NCOA6: variants seen among roughly 807,000 people sequenced by gnomAD.
The protein encoded by NCOA6 is NRC RAP250.
In NCOA6, 49 loss-of-function variants were observed where a neutral mutation model predicts 171.4. That is an observed-to-expected ratio of 0.29 (90% CI 0.23 to 0.36). NCOA6 has a LOEUF of 0.36. NCOA6 is among the 10% of genes least tolerant of loss of function. NCOA6 has a pLI of 1.00. For missense variants in NCOA6, 2,248 were observed against 2,554.5 expected, an observed-to-expected ratio of 0.88 and a Z score of 2.59; for synonymous variants, 910 against 927.5, an observed-to-expected ratio of 0.98 and a Z score of 0.34.
At chr20:34,787,477 G>A (rs769207988) in intron 2 of NCOA6, among the ~76,000 whole-genome samples, 5 of 151,498 alleles carry the variant, frequency 3.3e-5, no homozygotes, top group Non-Finnish European at 7.4e-5. Flanking sequence ...AGTGAGCTAT[G>A]ATTGTGCCAC....
chr20:34,723,338 GA>G (rs900813289), intron 14 of NCOA6, among the ~76,000 whole-genome samples: 1 of 152,028 alleles, frequency 6.6e-6, no homozygotes, highest in African/African-American at 2.4e-5. Context: ...GATGTGTGGG[GA>G]AAAAAACACC....
At chr20:34,810,056 C>T (rs572025380) in intron 1 of NCOA6, among the ~76,000 whole-genome samples, 2 of 152,334 alleles carry the variant, frequency 1.3e-5, no homozygotes, top group East Asian at 3.9e-4. Flanking sequence ...ATCAAAGAGG[C>T]TCAATATACT....
At chr20:34,808,709 A>G (rs2078547016) in intron 1 of NCOA6, among the ~76,000 whole-genome samples, 1 of 152,168 alleles carries the variant, frequency 6.6e-6, no homozygotes, top group Admixed American at 6.5e-5. Flanking sequence ...AAGTGCTGGG[A>G]TTACAGGCGT....
intron 1 of NCOA6, among the ~76,000 whole-genome samples, chr20:34,824,605 T>C (rs1313840025): frequency 2.0e-5 from 3 of 152,142 alleles, no homozygotes; most frequent in Non-Finnish European, 4.4e-5. Context: ...CTCCCTAAGT[T>C]GATAAAGGTT....
rs2078566775 is a variant in NCOA6, at chr20:34,809,135, C to G, written c.-164+16337G>C. Among the ~76,000 whole-genome samples the G allele has an allele frequency of 2.0e-5, 3 of 152,300 alleles. No individual in the cohort carries two copies. In the South Asian group the frequency reaches 6.2e-4, roughly 32 times the overall value. ...CTCCATTCGCCTCCAGAATTATGAA[C>G]AAGTGAGAAATTCACCTTTTTGTCT... is the stretch of plus-strand genomic sequence containing the variant. On this transcript the variant is annotated intron_variant, in intron 1 of 14. Coordinates refer to ENST00000359003, the MANE Select transcript of NCOA6 (RefSeq NM_014071.5).
At chr20:34,777,994 G>A (rs1011811656) in intron 3 of NCOA6, among the ~76,000 whole-genome samples, 4 of 152,076 alleles carry the variant, frequency 2.6e-5, no homozygotes, top group Admixed American at 1.3e-4. Context: ...TGCAACCTCC[G>A]CCTCCCAGGT....
chr20:34,765,439 C>CAAAAAA (rs34605174), intron 5 of NCOA6, among the ~76,000 whole-genome samples: 1 of 106,508 alleles, frequency 9.4e-6, no homozygotes, highest in Non-Finnish European at 2.0e-5. Flanking sequence ...GAGTCCGTCT[C>CAAAAAA]AAAAAAAAAA....
At chr20:34,784,083 A>G (rs1218869939) in intron 2 of NCOA6, among the ~76,000 whole-genome samples, 1 of 152,138 alleles carries the variant, frequency 6.6e-6, no homozygotes, top group Non-Finnish European at 1.5e-5. Flanking sequence ...AAAAGCAACT[A>G]TATTAGGTTG....
chr20:34,720,814 T>C (rs1235488696), intron 14 of NCOA6, among the ~76,000 whole-genome samples: 1 of 152,218 alleles, frequency 6.6e-6, no homozygotes, highest in African/African-American at 2.4e-5. Context: ...GGTGATCACA[T>C]TCTGGGTATG....
chr20:34,741,046 C>G lies in NCOA6; in HGVS notation c.5210G>C (p.Arg1737Pro). Residue 1737 changes from arginine (R) to proline (P), a missense_variant, in exon 11 of 15, where the codon CGA becomes CCA. Arg to Pro is a moderately radical substitution (Grantham distance 103, BLOSUM62 -2). This residue lies in a region of NCOA6 where 884 missense variants were observed against 941.9 expected (regional missense o/e 0.94). Coordinates refer to ENST00000359003, the MANE Select transcript of NCOA6 (RefSeq NM_014071.5). ...GGAAGGAAGCTGAACAGGGGTGGCT[C>G]GTGAGCTAAGGACCAAAGGTCGACC... ...QTGRPLVLSS[R>P]ATPVQLPSPP... 6.2e-7 allele frequency: 1 copy of G among 1,614,188 alleles called. No individual in the cohort carries two copies. Among genetic ancestry groups the G allele is most frequent in the Non-Finnish European group, 8.5e-7 (1 of 1,180,040 alleles).
chr20:34,746,995 T>C, intron 9 of NCOA6, 67 bp from the exon 10 acceptor site: 2 of 1,352,950 alleles, frequency 1.5e-6, no homozygotes, highest in Non-Finnish European at 1.9e-6. Flanking sequence ...TACACAAAAC[T>C]AGCTTAACCC....
At position 34,806,894 on chromosome 20, in the gene NCOA6, G is replaced by T. The variant is rs895723833; in HGVS notation, c.-163-14331C>A. Among the ~76,000 whole-genome samples the T allele has an allele frequency of 2.6e-5, 4 of 152,244 alleles. No individual in the cohort carries two copies. The East Asian group carries it at 5.8e-4, about 22-fold the overall frequency. On this transcript the variant is annotated intron_variant, in intron 1 of 14. Coordinates refer to ENST00000359003, the MANE Select transcript of NCOA6 (RefSeq NM_014071.5). ...GCTTTGGCTACTCAAGGTCTTTTGT[G>T]GTGCCTGCCATACAAATTTTAGGAT...
chr20:34,723,229 C>T (rs1302671626), intron 14 of NCOA6, among the ~76,000 whole-genome samples: 2 of 152,110 alleles, frequency 1.3e-5, no homozygotes, highest in African/African-American at 4.8e-5. Flanking sequence ...GGACTGAGCC[C>T]TCAAACCTGT....
chr20:34,774,631 C>G (rs2077252352), intron 4 of NCOA6, among the ~76,000 whole-genome samples: 1 of 152,126 alleles, frequency 6.6e-6, no homozygotes, highest in Non-Finnish European at 1.5e-5. Context: ...CCAGGAGGAC[C>G]TGGACTAAAG....
chr20:34,788,694 C>T (rs1212335617), intron 2 of NCOA6, among the ~76,000 whole-genome samples: 1 of 152,166 alleles, frequency 6.6e-6, no homozygotes, highest in Non-Finnish European at 1.5e-5. Context: ...GCCTGTAATT[C>T]CAGCACTTTG....
rs2076206460 is a variant in NCOA6, at chr20:34,743,264, G to C, written c.2992C>G (p.Pro998Ala). ...TGTGGCTGCTGCTGTGGTGGCTGTGGTGGGGGTGCCACATGCTGCATGAGT... is the reference window on the plus strand; with the variant it reads ...TGTGGCTGCTGCTGTGGTGGCTGTGCTGGGGGTGCCACATGCTGCATGAGT... ...PQLMQHVAPP[P>A]QPPQQQPQPQ... The change falls in exon 11 of 15, where the codon CCA (proline) becomes GCA (alanine). Residue 998 changes from proline to alanine, a missense_variant. By Grantham distance (27) the Pro-to-Ala change is conservative. Coordinates refer to ENST00000359003, the MANE Select transcript of NCOA6 (RefSeq NM_014071.5). 1 of 1,613,916 alleles carries C rather than the reference G, an allele frequency of 6.2e-7. No homozygotes were observed. Among genetic ancestry groups the C allele is most frequent in the Non-Finnish European group, 8.5e-7 (1 of 1,179,996 alleles).
chr20:34,775,239 C>T (rs1289959093), intron 4 of NCOA6, among the ~76,000 whole-genome samples: 1 of 152,006 alleles, frequency 6.6e-6, no homozygotes, highest in African/African-American at 2.4e-5. Context: ...GTTTGGTCTT[C>T]ATTCTTTGAA....
rs570463739 is a variant in NCOA6 at position 34,724,842 on chromosome 20, A to ACG, written c.6148+2416_6148+2417insCG. Reference sequence around the variant, plus strand: ...CTCACTCTGTTGCCCAGGCTGGAACACAATGACGCGATCTTGGCTCACTGC... The same window carrying ACG: ...CTCACTCTGTTGCCCAGGCTGGAACACGCAATGACGCGATCTTGGCTCACTGC... On this transcript the variant is annotated intron_variant, in intron 14 of 14. Transcript: ENST00000359003. Among the ~76,000 whole-genome samples, 242 of 151,400 alleles carry ACG rather than the reference A, an allele frequency of 1.6e-3. 2 individuals carry two copies. Among genetic ancestry groups the ACG allele is most frequent in the African/African-American group, 5.8e-3 (240 of 41,148 alleles).
intron 1 of NCOA6, among the ~76,000 whole-genome samples, chr20:34,794,777 A>G (rs2078010326): frequency 6.6e-6 from 1 of 152,226 alleles, no homozygotes; most frequent in African/African-American, 2.4e-5. Context: ...ACTAATGAGG[A>G]GTGTGTTACA....
Sources: allele counts gnomAD v4.1 joint callset (sites outside exome capture counted in the v4.1 genomes callset), GRCh38; gene constraint gnomAD v4.1.1; regional missense constraint gnomAD v4.1.1; transcripts MANE v1.5; gene names NCBI Gene and HGNC (gene_info 2026-07-23, HGNC 2026-07-21).